CNTNAP2: variants seen among roughly 807,000 people sequenced by gnomAD.
CNTNAP2 encodes the protein contactin associated protein 2, also known as contactin-associated protein-like 2.
CNTNAP2 carries 98 observed loss-of-function variants against 155.2 expected under a neutral mutation model. That is an observed-to-expected ratio of 0.63 (90% CI 0.54 to 0.75). The LOEUF (loss-of-function observed/expected upper bound fraction) is 0.75. CNTNAP2 is among the 30% of genes least tolerant of loss of function. The pLI is 0.00. For synonymous variants in CNTNAP2, 651 were observed against 631.2 expected (o/e 1.03, Z -0.47); for missense variants, 1,727 against 1,688.1 (o/e 1.02, Z -0.40).
chr7:146,493,298 G>A lies in CNTNAP2; in HGVS notation c.98-280973G>A, dbSNP rs143402945. On this transcript the variant is annotated intron_variant, in intron 1 of 23. Coordinates refer to ENST00000361727, the MANE Select transcript of CNTNAP2 (RefSeq NM_014141.6). ...CATTTTTGCTCTTCCTGAATAGCAT[G>A]GCTTCAAAAAAATCTAGAAAATGAA... Among the ~76,000 whole-genome samples, 254 of 152,190 alleles carry A rather than the reference G, an allele frequency of 1.7e-3. 1 individual carries two copies. The highest frequency in any genetic ancestry group is 5.9e-3 in the African/African-American group (243 of 41,516).
At chr7:146,605,129 T>C (rs1426704863) in intron 1 of CNTNAP2, among the ~76,000 whole-genome samples, 1 of 150,608 alleles carries the variant, frequency 6.6e-6, no homozygotes, top group Admixed American at 6.6e-5. Flanking sequence ...TCTTCCCGCC[T>C]TTTACACTGT....
intron 12 of CNTNAP2, among the ~76,000 whole-genome samples, chr7:147,611,950 TA>T (rs1801195515): frequency 6.6e-6 from 1 of 152,230 alleles, no homozygotes; most frequent in Non-Finnish European, 1.5e-5. Flanking sequence ...CAATTTTTAA[TA>T]AGTTATGTCA....
At chr7:147,046,446 T>C (rs1799358183) in intron 4 of CNTNAP2, among the ~76,000 whole-genome samples, 1 of 152,176 alleles carries the variant, frequency 6.6e-6, no homozygotes, top group Non-Finnish European at 1.5e-5. Flanking sequence ...TTAGAGATAT[T>C]AGTTTCTTTT....
chr7:147,494,594 G>A (rs1798667052), intron 11 of CNTNAP2, among the ~76,000 whole-genome samples: 1 of 151,934 alleles, frequency 6.6e-6, no homozygotes, highest in Admixed American at 6.6e-5. Flanking sequence ...TGAGGGAACT[G>A]GCATTATTCA....
intron 13 of CNTNAP2, among the ~76,000 whole-genome samples, chr7:147,782,329 TGTCTTGCA>T (rs1389133041): frequency 6.6e-6 from 1 of 152,238 alleles, no homozygotes; most frequent in Non-Finnish European, 1.5e-5. Context: ...GTGAAAAGTA[TGTCTTGCA>T]GCCAAGGCAT....
chr7:147,017,566 T>C (rs1212435201), intron 3 of CNTNAP2, among the ~76,000 whole-genome samples: 1 of 152,040 alleles, frequency 6.6e-6, no homozygotes. Context: ...TCTTAACTTC[T>C]TTTTTAAAAA....
chr7:147,463,312 G>C (rs4725723), intron 10 of CNTNAP2, among the ~76,000 whole-genome samples: 48 of 152,240 alleles, frequency 3.2e-4, no homozygotes, highest in African/African-American at 1.1e-3. Context: ...TTAAAAAAAT[G>C]TTACAACCTT....
At chr7:147,902,778 T>TTGTGTGTGTG (rs564991239) in intron 13 of CNTNAP2, among the ~76,000 whole-genome samples, 22 of 136,810 alleles carry the variant, frequency 1.6e-4, no homozygotes, top group Middle Eastern at 3.8e-3. Flanking sequence ...TCATATATGT[T>TTGTGTGTGTG]TGTGTGTGTG....
At chr7:146,972,599 A>G (rs1338294547) in intron 3 of CNTNAP2, among the ~76,000 whole-genome samples, 1 of 152,166 alleles carries the variant, frequency 6.6e-6, no homozygotes. Flanking sequence ...TATAAAATGA[A>G]AATTTTGGAG....
At chr7:146,910,985 A>T (rs931692319) in intron 3 of CNTNAP2, among the ~76,000 whole-genome samples, 4 of 151,520 alleles carry the variant, frequency 2.6e-5, no homozygotes, top group Admixed American at 2.6e-4. Context: ...CCCATCAAAA[A>T]GTGGGCGAAG....
At chr7:146,402,393 G>C (rs1051414436) in intron 1 of CNTNAP2, among the ~76,000 whole-genome samples, 4 of 152,030 alleles carry the variant, frequency 2.6e-5, no homozygotes, top group African/African-American at 9.7e-5. Flanking sequence ...TCTCCTGCTT[G>C]GTTCAGGGAC....
chr7:146,132,274 G>A (rs1797725555), intron 1 of CNTNAP2, among the ~76,000 whole-genome samples: 1 of 152,088 alleles, frequency 6.6e-6, no homozygotes, highest in South Asian at 2.1e-4. Context: ...AGTTGGTATT[G>A]GGGAGGTTGG....
At chr7:146,157,130 T>C (rs765468705) in intron 1 of CNTNAP2, among the ~76,000 whole-genome samples, 3 of 152,036 alleles carry the variant, frequency 2.0e-5, no homozygotes, top group Non-Finnish European at 2.9e-5. Context: ...TAAAATAAGG[T>C]GAACTACTTT....
At chr7:147,848,569 C>T (rs571597886) in intron 13 of CNTNAP2, among the ~76,000 whole-genome samples, 2,451 of 151,978 alleles carry the variant, frequency 0.016, 59 homozygotes, top group African/African-American at 0.055. Flanking sequence ...GCGTCACTCA[C>T]GCTGGGAGCT....
intron 13 of CNTNAP2, among the ~76,000 whole-genome samples, chr7:147,710,063 C>T (rs539949626): frequency 6.6e-6 from 1 of 152,210 alleles, no homozygotes; most frequent in Non-Finnish European, 1.5e-5. Context: ...AAATTGTACA[C>T]CAACTTTGTT....
intron 9 of CNTNAP2, among the ~76,000 whole-genome samples, chr7:147,304,638 C>A (rs1324891513): frequency 2.6e-5 from 4 of 151,990 alleles, no homozygotes. Flanking sequence ...AGGAAGGTAC[C>A]AAAGCAAGTG....
chr7:147,498,947 TA>T (rs11463553), intron 11 of CNTNAP2, among the ~76,000 whole-genome samples: 203 of 151,222 alleles, frequency 1.3e-3, no homozygotes, highest in South Asian at 2.5e-3. Flanking sequence ...CATGTGGTAA[TA>T]AAAAAAAAAT....
intron 20 of CNTNAP2, among the ~76,000 whole-genome samples, chr7:148,253,673 C>G (rs1006950285): frequency 6.6e-6 from 1 of 152,144 alleles, no homozygotes; most frequent in Non-Finnish European, 1.5e-5. Flanking sequence ...TGCACCACCC[C>G]CAGCAGCCAA....
chr7:148,228,964 C>T (rs571159508), intron 19 of CNTNAP2, among the ~76,000 whole-genome samples: 4 of 151,932 alleles, frequency 2.6e-5, no homozygotes, highest in African/African-American at 9.7e-5. Flanking sequence ...CATAGTGTTT[C>T]GTGGGACCTG....
Sources: gnomAD v4.1 joint callset for allele counts (sites outside exome capture counted in the v4.1 genomes callset) on GRCh38, gnomAD v4.1.1 for gene constraint, MANE v1.5 for transcripts, NCBI Gene and HGNC (gene_info 2026-07-23, HGNC 2026-07-21) for gene names.